Variants in PTH2R observed in about 807,000 individuals in gnomAD.
PTH2R encodes parathyroid hormone 2 receptor.
Under a neutral mutation model 60.3 loss-of-function variants are expected in PTH2R, and 59 were observed. The ratio of observed to expected loss-of-function variants is 0.98; its 90% CI spans 0.79 to 1.22. PTH2R has a LOEUF of 1.22. PTH2R is among the 50% of genes most tolerant of loss of function. The probability of loss-of-function intolerance (pLI) is 0.00; values close to 1 mark genes in which losing one functional copy is unlikely to be tolerated. For missense variants in PTH2R, 749 were observed against 682.6 expected, an observed-to-expected ratio of 1.10 and a Z score of -1.08; for synonymous variants, 256 against 243.8, an observed-to-expected ratio of 1.05 and a Z score of -0.47.
At chr2:208,437,444 A>G (rs1246980784) in intron 2 of PTH2R, 93 bp from the exon 3 acceptor site, 1 of 929,628 alleles carries the variant, frequency 1.1e-6, no homozygotes, top group South Asian at 1.8e-5. Context: ...GCTACAGACA[A>G]TGACCTAAAA....
chr2:208,392,710 C>A (rs1701127987), intron 1 of PTH2R, among the ~76,000 whole-genome samples: 1 of 152,154 alleles, frequency 6.6e-6, no homozygotes, highest in Non-Finnish European at 1.5e-5. Flanking sequence ...TACAGTCATA[C>A]TAAAGGAAGA....
chr2:208,437,839 A>G lies in PTH2R; in HGVS notation c.369A>G (p.Ser123=), dbSNP rs1281505667. 4 of 1,613,812 alleles carry G rather than the reference A, an allele frequency of 2.5e-6. No homozygotes were observed. In the African/African-American group the frequency reaches 4.0e-5, roughly 16 times the overall value. Residue 123 remains serine, a synonymous_variant, in exon 4 of 13, where the codon TCA becomes TCG. Transcript: ENST00000272847. ...HSLNKTWANY[S]DCLRFLQPDI... Reference sequence around the variant, plus strand: ...TAAATAAAACATGGGCCAATTATTCAGACTGCCTTCGCTTTCTGCAGCCAG... The same window carrying G: ...TAAATAAAACATGGGCCAATTATTCGGACTGCCTTCGCTTTCTGCAGCCAG...
intron 10 of PTH2R, among the ~76,000 whole-genome samples, chr2:208,488,594 T>C (rs542984388): frequency 6.6e-6 from 1 of 152,160 alleles, no homozygotes; most frequent in Non-Finnish European, 1.5e-5. Context: ...ACTACCTGGT[T>C]TAGTATGTAA....
At chr2:208,437,980 T>G in intron 4 of PTH2R, 99 bp downstream of exon 4, 1 of 1,405,018 alleles carries the variant, frequency 7.1e-7, no homozygotes. Flanking sequence ...AACCCTCTTA[T>G]TCCACGACAC....
At chr2:208,368,465 A>G (rs1700634802) in intron 1 of PTH2R, among the ~76,000 whole-genome samples, 1 of 151,766 alleles carries the variant, frequency 6.6e-6, no homozygotes, top group Non-Finnish European at 1.5e-5. Flanking sequence ...GTTCCTCTAC[A>G]TTGGTATCCC....
At chr2:208,467,877 A>G (rs1702790573) in intron 9 of PTH2R, among the ~76,000 whole-genome samples, 1 of 152,216 alleles carries the variant, frequency 6.6e-6, no homozygotes, top group African/African-American at 2.4e-5. Flanking sequence ...AGAGATGAGA[A>G]AGTACATACA....
At chr2:208,399,860 G>A (rs1701275534) in intron 1 of PTH2R, among the ~76,000 whole-genome samples, 1 of 152,066 alleles carries the variant, frequency 6.6e-6, no homozygotes, top group African/African-American at 2.4e-5. Context: ...ATTTATTTGA[G>A]GTTTTTCTTT....
chr2:208,378,643 A>T (rs1053066735), intron 1 of PTH2R, among the ~76,000 whole-genome samples: 13 of 152,088 alleles, frequency 8.5e-5, no homozygotes, highest in Admixed American at 7.9e-4. Context: ...ACACAGCGAG[A>T]AGACAGCTGT....
chr2:208,392,628 A>G lies in PTH2R; in HGVS notation c.-259+32391A>G, dbSNP rs550125979. On this transcript the variant is annotated intron_variant, in intron 1 of 12. Transcript: ENST00000617735. ...GGCCTGATTAGAAAGGCATATGTAA[A>G]TAGTAAGCCCCCAACCTGCAGCTAC... is the stretch of plus-strand genomic sequence containing the variant. Among the ~76,000 whole-genome samples the G allele has an allele frequency of 3.9e-5, 6 of 152,282 alleles. No homozygotes were observed. In the East Asian group the frequency reaches 1.2e-3, roughly 29 times the overall value.
intron 4 of PTH2R, 80 bp downstream of exon 4, chr2:208,437,961 A>T (rs554548016): frequency 1.3e-4 from 208 of 1,541,250 alleles, no homozygotes; most frequent in Non-Finnish European, 1.8e-4. Context: ...GCCAGCCATT[A>T]TGTATAAAAA....
chr2:208,384,623 T>G (rs1700972364), intron 1 of PTH2R, among the ~76,000 whole-genome samples: 1 of 152,250 alleles, frequency 6.6e-6, no homozygotes, highest in African/African-American at 2.4e-5. Flanking sequence ...GAGAATTTTT[T>G]TTCTATTAGA....
chr2:208,414,228 G>C (rs1441307852), intron 1 of PTH2R, among the ~76,000 whole-genome samples: 1 of 152,166 alleles, frequency 6.6e-6, no homozygotes, highest in Non-Finnish European at 1.5e-5. Flanking sequence ...AGGTTAGAAA[G>C]GGAGCTAGAA....
intron 4 of PTH2R, among the ~76,000 whole-genome samples, chr2:208,440,976 GC>G (rs896348971): frequency 1.3e-5 from 2 of 152,134 alleles, no homozygotes; most frequent in African/African-American, 4.8e-5. Context: ...GGCACAGGGG[GC>G]CCTCACTAAC....
In PTH2R at chr2:208,425,025, T is replaced by G. The variant is rs115327338; in HGVS notation, c.76-3176T>G. Among the ~76,000 whole-genome samples the G allele has an allele frequency of 8.4e-3, 1,281 of 152,298 alleles. 23 individuals carry two copies. The highest frequency in any genetic ancestry group is 0.029 in the African/African-American group (1,204 of 41,540). On this transcript the variant is annotated intron_variant, in intron 1 of 12. Transcript: ENST00000272847. ...CACTGGGAAACCGGGTGAGACCTGT[T>G]GTAGCCATTGAGATCAATGGACTAA... is the stretch of plus-strand genomic sequence containing the variant.
chr2:208,382,920 C>T (rs1700942170), intron 1 of PTH2R, among the ~76,000 whole-genome samples: 2 of 152,258 alleles, frequency 1.3e-5, no homozygotes, highest in African/African-American at 2.4e-5. Flanking sequence ...GATCCCACTC[C>T]AAGTTCCTTG....
chr2:208,437,983 C>T, intron 4 of PTH2R, 102 bp downstream of exon 4: 1 of 1,400,140 alleles, frequency 7.1e-7, no homozygotes, highest in Non-Finnish European at 9.9e-7. Context: ...CCTCTTATTC[C>T]ACGACACAAG....
chr2:208,483,344 T>C (rs1377678812), intron 10 of PTH2R, among the ~76,000 whole-genome samples: 2 of 152,210 alleles, frequency 1.3e-5, no homozygotes, highest in African/African-American at 4.8e-5. Context: ...TAATAAAAAA[T>C]GTAAATAACT....
intron 9 of PTH2R, among the ~76,000 whole-genome samples, chr2:208,464,624 G>C (rs541119263): frequency 6.6e-6 from 1 of 152,296 alleles, no homozygotes; most frequent in South Asian, 2.1e-4. Context: ...TAGCATCCCA[G>C]GCCTGCCCTT....
At chr2:208,434,171 G>C (rs548015239) in intron 2 of PTH2R, among the ~76,000 whole-genome samples, 1 of 152,160 alleles carries the variant, frequency 6.6e-6, no homozygotes, top group Non-Finnish European at 1.5e-5. Context: ...AAAATTAGCT[G>C]GGTGTGGTGG....
Sources: allele counts gnomAD v4.1 joint callset (sites outside exome capture counted in the v4.1 genomes callset), GRCh38; gene constraint gnomAD v4.1.1; transcripts MANE v1.5; gene names NCBI Gene and HGNC (gene_info 2026-07-23, HGNC 2026-07-21).